Variants in NEGR1 observed in about 807,000 individuals in gnomAD.
NEGR1 encodes the protein neuronal growth regulator 1.
A neutral mutation model predicts 40.9 loss-of-function variants in NEGR1; 10 were observed. That is an observed-to-expected ratio of 0.24 (90% CI 0.15 to 0.42). The LOEUF (loss-of-function observed/expected upper bound fraction) is 0.42. Ranked by LOEUF, NEGR1 falls within the 10% of genes least tolerant of loss-of-function variation. The pLI, the probability that NEGR1 is intolerant of heterozygous loss-of-function variation, is 1.00. For missense variants in NEGR1, 352 were observed against 438.9 expected, an observed-to-expected ratio of 0.80 and a Z score of 1.77; for synonymous variants, 185 against 166.8, an observed-to-expected ratio of 1.11 and a Z score of -0.84.
At chr1:72,259,988 A>C (rs1655403106) in intron 1 of NEGR1, among the ~76,000 whole-genome samples, 1 of 152,102 alleles carries the variant, frequency 6.6e-6, no homozygotes, top group Admixed American at 6.5e-5. Context: ...TAAAATAATC[A>C]GCTGAAATAT....
At chr1:71,866,619 T>A (rs1660122224) in intron 2 of NEGR1, among the ~76,000 whole-genome samples, 1 of 152,216 alleles carries the variant, frequency 6.6e-6, no homozygotes, top group Non-Finnish European at 1.5e-5. Flanking sequence ...TTTGATCCTT[T>A]AAATATGCCA....
rs779074685 is a variant in NEGR1 at position 72,161,676 on chromosome 1, C to CTTT, written c.176+120640_176+120642dup. 6.6e-3 allele frequency among the ~76,000 whole-genome samples: 559 copies of CTTT among 84,536 alleles called. 34 individuals are homozygous for CTTT. The highest frequency in any genetic ancestry group is 0.022 in the African/African-American group (425 of 19,704). 55.5% of individuals were successfully genotyped at this position (84,536 alleles called of 152,430 possible). ...TTATTTATTTTTTCTTTCTTTCTTTCTTTTTTTTTTTTTTTTTTTTTGAGA... is the reference window on the plus strand; with the variant it reads ...TTATTTATTTTTTCTTTCTTTCTTTCTTTTTTTTTTTTTTTTTTTTTTTTGAGA... On this transcript the variant is annotated intron_variant, in intron 1 of 6. Coordinates refer to ENST00000357731, the MANE Select transcript of NEGR1 (RefSeq NM_173808.3).
At chr1:72,091,555 T>G (rs1286181928) in intron 1 of NEGR1, among the ~76,000 whole-genome samples, 1 of 151,866 alleles carries the variant, frequency 6.6e-6, no homozygotes, top group Non-Finnish European at 1.5e-5. Context: ...GAATACATAC[T>G]TATCCATAAT....
Position 71,396,519 on chromosome 1 carries a change from GA to G in NEGR1, c.*10926del, listed in dbSNP as rs1252289437. The G allele has an allele frequency of 6.6e-6, 1 of 152,180 alleles. No individual in the cohort carries two copies. Among genetic ancestry groups the G allele is most frequent in the Non-Finnish European group, 1.5e-5 (1 of 68,034 alleles). 9.4% of individuals were successfully genotyped at this position (152,180 alleles called of 1,614,324 possible). A position where few individuals can be genotyped will look rare whatever the true frequency, so the allele number is the denominator to read the frequency against. ...TCTTCTTGAAATGATACTAGCTTGA[GA>G]ATGTGCCTCAACATAAAAATCAAAA... is the stretch of plus-strand genomic sequence containing the variant. On this transcript the variant is annotated 3_prime_UTR_variant, in exon 7 of 7. Transcript: ENST00000357731.
intron 1 of NEGR1, among the ~76,000 whole-genome samples, chr1:72,140,370 G>A (rs1424096570): frequency 1.3e-5 from 2 of 152,004 alleles, no homozygotes; most frequent in African/African-American, 4.8e-5. Flanking sequence ...TGGAGGCTAG[G>A]AAGTCCAATA....
intron 1 of NEGR1, among the ~76,000 whole-genome samples, chr1:72,004,751 T>A (rs1210341078): frequency 6.6e-6 from 1 of 152,002 alleles, no homozygotes; most frequent in East Asian, 1.9e-4. Flanking sequence ...TTTAGAAAAA[T>A]CACAAAACAA....
At chr1:71,649,917 G>T (rs1651655931) in intron 4 of NEGR1, among the ~76,000 whole-genome samples, 1 of 152,006 alleles carries the variant, frequency 6.6e-6, no homozygotes, top group African/African-American at 2.4e-5. Context: ...GATTGGCAAA[G>T]GATGAACTCT....
chr1:71,721,646 G>T (rs1027343148), intron 3 of NEGR1, among the ~76,000 whole-genome samples: 3 of 152,048 alleles, frequency 2.0e-5, no homozygotes, highest in African/African-American at 7.2e-5. Flanking sequence ...GATGTTTAGA[G>T]CATCTGTGGC....
At chr1:72,006,805 G>C (rs1297312821) in intron 1 of NEGR1, among the ~76,000 whole-genome samples, 1 of 152,134 alleles carries the variant, frequency 6.6e-6, no homozygotes, top group Non-Finnish European at 1.5e-5. Context: ...AGGTTAGACT[G>C]CCCTTAACAA....
intron 2 of NEGR1, among the ~76,000 whole-genome samples, chr1:71,927,749 C>A (rs1235773976): frequency 7.4e-6 from 1 of 135,030 alleles, no homozygotes; most frequent in East Asian, 2.4e-4. Flanking sequence ...GGAGGCTGGC[C>A]GAGGTGGGTA....
At chr1:71,739,286 A>T (rs1003332868) in intron 3 of NEGR1, among the ~76,000 whole-genome samples, 2 of 151,488 alleles carry the variant, frequency 1.3e-5, no homozygotes, top group African/African-American at 4.9e-5. Context: ...CCTGTGCTGG[A>T]TGCTTTCTGC....
intron 1 of NEGR1, among the ~76,000 whole-genome samples, chr1:71,944,981 A>C (rs2100258935): frequency 6.6e-6 from 1 of 152,302 alleles, no homozygotes. Flanking sequence ...GAAGAAAAAA[A>C]TTAATGTTTT....
At chr1:72,072,689 G>T (rs1234778889) in intron 1 of NEGR1, among the ~76,000 whole-genome samples, 2 of 152,082 alleles carry the variant, frequency 1.3e-5, no homozygotes, top group African/African-American at 2.4e-5. Flanking sequence ...TAACACAAAG[G>T]CTGAGAGTCT....
At chr1:72,225,841 A>G (rs1212460439) in intron 1 of NEGR1, among the ~76,000 whole-genome samples, 2 of 151,726 alleles carry the variant, frequency 1.3e-5, no homozygotes, top group South Asian at 2.1e-4. Flanking sequence ...CACAAGAATC[A>G]CAATTACGTT....
intron 5 of NEGR1, among the ~76,000 whole-genome samples, chr1:71,610,597 A>C (rs1650220337): frequency 6.6e-6 from 1 of 152,332 alleles, no homozygotes; most frequent in East Asian, 1.9e-4. Context: ...ATGTTAAACT[A>C]TCTTGTGGGA....
intron 1 of NEGR1, among the ~76,000 whole-genome samples, chr1:72,077,925 A>G (rs568189962): frequency 2.0e-5 from 3 of 152,322 alleles, no homozygotes; most frequent in South Asian, 2.1e-4. Flanking sequence ...TAAAGCATCA[A>G]TTGATTTGTA....
chr1:71,959,646 C>A (rs576781059), intron 1 of NEGR1, among the ~76,000 whole-genome samples: 2 of 152,084 alleles, frequency 1.3e-5, no homozygotes. Flanking sequence ...TCATCATCCT[C>A]TTTAACAGTT....
At chr1:71,499,289 A>G (rs1338052566) in intron 6 of NEGR1, among the ~76,000 whole-genome samples, 1 of 151,862 alleles carries the variant, frequency 6.6e-6, no homozygotes, top group Admixed American at 6.6e-5. Flanking sequence ...ACCAGATTAT[A>G]TTTCAATACA....
At chr1:72,052,027 C>T (rs891454622) in intron 1 of NEGR1, among the ~76,000 whole-genome samples, 9 of 151,510 alleles carry the variant, frequency 5.9e-5, no homozygotes, top group African/African-American at 1.9e-4. Flanking sequence ...ACAGAGTTTC[C>T]TGGTGGCTTG....
Sources: gnomAD v4.1 joint callset for allele counts (sites outside exome capture counted in the v4.1 genomes callset) on GRCh38, gnomAD v4.1.1 for gene constraint, MANE v1.5 for transcripts, NCBI Gene and HGNC (gene_info 2026-07-23, HGNC 2026-07-21) for gene names.